Variants in IYD observed in about 807,000 individuals in gnomAD.
IYD encodes the protein iodotyrosine deiodinase 1.
Under a neutral mutation model 28.4 loss-of-function variants are expected in IYD, and 25 were observed. The ratio of observed to expected loss-of-function variants is 0.88; its 90% confidence interval spans 0.64 to 1.23. IYD has a LOEUF of 1.23. Among genes scored for constraint, IYD ranks in the 50% most tolerant of loss-of-function variants. IYD has a pLI of 0.00. For missense variants in IYD, 352 were observed against 357.9 expected (o/e 0.98, Z 0.13); for synonymous variants, 140 against 130.8 (o/e 1.07, Z -0.48).
At chr6:150,379,037 C>T (rs1215278795) in intron 1 of IYD, among the ~76,000 whole-genome samples, 1 of 152,230 alleles carries the variant, frequency 6.6e-6, no homozygotes, top group Non-Finnish European at 1.5e-5. Flanking sequence ...GACACCTGCA[C>T]TTGAATGGCT....
chr6:150,377,080 C>A (rs1434685573), intron 1 of IYD, among the ~76,000 whole-genome samples: 4 of 152,116 alleles, frequency 2.6e-5, no homozygotes, highest in Admixed American at 6.5e-5. Context: ...GGTCAAGTGC[C>A]AAGTGTCAGT....
rs1001418913 is a variant in IYD, at chr6:150,403,855, G to T, written c.*5618G>T. On this transcript the variant is annotated 3_prime_UTR_variant, in exon 5 of 5. Coordinates refer to ENST00000344419, the MANE Select transcript of IYD (RefSeq NM_203395.3). ...GGATGGAAATATGTTAGCAATGCCT[G>T]CAGAGTGCCAAGTAAACGCAAAAGC... 2.6e-5 allele frequency: 4 copies of T among 152,258 alleles called. No homozygotes were observed. Among genetic ancestry groups the T allele is most frequent in the African/African-American group, 9.6e-5 (4 of 41,472 alleles). 9.4% of individuals were successfully genotyped at this position (152,258 alleles called of 1,614,324 possible).
chr6:150,392,380 A>T lies in IYD; in HGVS notation c.406A>T (p.Thr136Ser). Residue 136 changes from threonine to serine, a missense_variant, in exon 3 of 5, where the codon ACC becomes TCC. Physicochemically the swap from Thr to Ser is moderately conservative, Grantham distance 58 (BLOSUM62 1). Coordinates refer to ENST00000344419, the MANE Select transcript of IYD (RefSeq NM_203395.3). ...GAGTGGGGCTCACACAGAGCCCTGG[A>T]CCTTCGTGGTTGTGAAGGACCCAGA... ...APSGAHTEPW[T>S]FVVVKDPDVK... 1 of 1,613,802 alleles carries T rather than the reference A, an allele frequency of 6.2e-7. No homozygotes were observed. Among genetic ancestry groups the T allele is most frequent in the Admixed American group, 1.7e-5 (1 of 60,012 alleles).
At chr6:150,388,224 A>G (rs77142549) in intron 1 of IYD, among the ~76,000 whole-genome samples, 396 of 152,300 alleles carry the variant, frequency 2.6e-3, no homozygotes, top group Non-Finnish European at 4.3e-3. Flanking sequence ...CTTATGATTG[A>G]CACTTCCCCT....
At chr6:150,377,280 T>G (rs1422159327) in intron 1 of IYD, among the ~76,000 whole-genome samples, 1 of 152,018 alleles carries the variant, frequency 6.6e-6, no homozygotes, top group African/African-American at 2.4e-5. Flanking sequence ...TGCTCTAGAG[T>G]GAAGGCAGGA....
rs1255410323 is a variant in IYD at position 150,395,916 on chromosome 6, C to A, written c.687+1661C>A. The A allele has an allele frequency of 9.8e-6, 5 of 509,658 alleles. No individual in the cohort carries two copies. The East Asian group carries it at 1.3e-4, about 13-fold the overall frequency. 31.6% of individuals were successfully genotyped at this position (509,658 alleles called of 1,614,324 possible). ...TGGGGTACCCCTTGGCCACTGAGTCCCCTATCAACGGGCATCAGCATCTCA... is the reference window on the plus strand; with the variant it reads ...TGGGGTACCCCTTGGCCACTGAGTCACCTATCAACGGGCATCAGCATCTCA... On this transcript the variant is annotated intron_variant, in intron 4 of 4. Transcript: ENST00000344419.
intron 1 of IYD, chr6:150,384,679 G>A (rs1351460484): frequency 1.3e-5 from 2 of 152,082 alleles, no homozygotes; most frequent in Non-Finnish European, 2.9e-5. Flanking sequence ...CTTTTCATGA[G>A]CTTAAGTGAA....
At chr6:150,388,980 G>A (rs1778007131) in intron 1 of IYD, among the ~76,000 whole-genome samples, 1 of 152,026 alleles carries the variant, frequency 6.6e-6, no homozygotes, top group South Asian at 2.1e-4. Context: ...GGGATTATAG[G>A]CGTAAGCCAC....
At chr6:150,372,336 G>C (rs1322126049) in intron 1 of IYD, among the ~76,000 whole-genome samples, 2 of 124,070 alleles carry the variant, frequency 1.6e-5, no homozygotes, top group Non-Finnish European at 3.4e-5. Context: ...GTGGGGGGTG[G>C]TGAGGGAACA....
Position 150,398,083 on chromosome 6 carries a change from C to G in IYD, c.716C>G (p.Thr239Ser). 1 of 1,614,184 alleles carries G rather than the reference C, an allele frequency of 6.2e-7. No individual in the cohort carries two copies. Among genetic ancestry groups the G allele is most frequent in the Non-Finnish European group, 8.5e-7 (1 of 1,180,034 alleles). The change falls in exon 5 of 5, where the codon ACT becomes AGT. Residue 239 changes from threonine to serine, a missense_variant. By Grantham distance (58) the Thr-to-Ser change is moderately conservative. Transcript: ENST00000344419. Reference protein sequence around the residue: ...QNAGLVTVTTTPLNCGPRLRV... With the variant: ...QNAGLVTVTTSPLNCGPRLRV... The stretch of plus-strand genomic sequence containing the variant: ...GCAGGTCTGGTGACTGTCACTACCA[C>G]TCCTCTCAACTGTGGCCCTCGACTG...
chr6:150,377,880 C>T (rs1024918239), intron 1 of IYD, among the ~76,000 whole-genome samples: 13 of 152,156 alleles, frequency 8.5e-5, no homozygotes, highest in African/African-American at 2.7e-4. Context: ...GTCACTGTGA[C>T]GTTCATGACA....
intron 2 of IYD, among the ~76,000 whole-genome samples, chr6:150,391,091 G>A (rs188248653): frequency 1.3e-5 from 2 of 152,162 alleles, no homozygotes; most frequent in East Asian, 3.9e-4. Flanking sequence ...AGAAAAATTA[G>A]CTGGATGTGG....
At chr6:150,370,941 G>T (rs139519543) in intron 1 of IYD, among the ~76,000 whole-genome samples, 8 of 152,320 alleles carry the variant, frequency 5.3e-5, no homozygotes, top group Non-Finnish European at 1.0e-4. Context: ...AAGGGAGACA[G>T]CAGTCTATGT....
chr6:150,374,233 G>A (rs754185780), intron 1 of IYD, among the ~76,000 whole-genome samples: 1 of 152,198 alleles, frequency 6.6e-6, no homozygotes, highest in Admixed American at 6.5e-5. Flanking sequence ...TGTGACACAG[G>A]AGCCTTCATA....
In IYD at chr6:150,402,409, T is replaced by G. The variant is rs943090846; in HGVS notation, c.*4172T>G. 6.6e-6 allele frequency: 1 copy of G among 152,346 alleles called. No homozygotes were observed. The highest frequency in any genetic ancestry group is 2.1e-4 in the South Asian group (1 of 4,824). The allele number at this position is 152,346 out of a possible 1,614,324, so 9.4% of individuals were successfully genotyped here. On this transcript the variant is annotated 3_prime_UTR_variant, in exon 5 of 5. Transcript: ENST00000344419. Reference sequence around the variant, plus strand: ...AGGTGGAGCAGTGTCGTCAATGTTATCATCCCCCTGCACCTGCAAGGAAGG... The same window carrying G: ...AGGTGGAGCAGTGTCGTCAATGTTAGCATCCCCCTGCACCTGCAAGGAAGG...
chr6:150,380,149 C>T lies in IYD; in HGVS notation c.179-9203C>T, dbSNP rs566525044. Among the ~76,000 whole-genome samples, 15 of 152,284 alleles carry T rather than the reference C, an allele frequency of 9.9e-5. No individual in the cohort carries two copies. The South Asian group carries it at 2.7e-3, about 27-fold the overall frequency. On this transcript the variant is annotated intron_variant, in intron 1 of 4. Transcript: ENST00000344419. ...TGTTGAATGACTTGTATATTTCCAT[C>T]TTCCAGGAAGATTTTGAGAACTTTA...
At position 150,398,369 on chromosome 6, in the gene IYD, C is replaced by A. The variant is rs1233407292; in HGVS notation, c.*132C>A. On this transcript the variant is annotated 3_prime_UTR_variant, in exon 5 of 5. Transcript: ENST00000344419. ...TCCCCTCATTGCTCTTCTCAGGTGGCCACACTATGTCAAGAAGCCTCTCCA... is the reference window on the plus strand; with the variant it reads ...TCCCCTCATTGCTCTTCTCAGGTGGACACACTATGTCAAGAAGCCTCTCCA... 34 of 797,800 alleles carry A rather than the reference C, an allele frequency of 4.3e-5. No homozygotes were observed. Among genetic ancestry groups the A allele is most frequent in the Non-Finnish European group, 6.4e-5 (31 of 481,744 alleles). 49.4% of individuals were successfully genotyped at this position (797,800 alleles called of 1,614,324 possible). A position where few individuals can be genotyped will look rare whatever the true frequency, so the allele number is the denominator to read the frequency against.
rs572985243 is a variant in IYD at position 150,404,204 on chromosome 6, T to G, written c.*5967T>G. On this transcript the variant is annotated 3_prime_UTR_variant, in exon 5 of 5. Coordinates refer to ENST00000344419, the MANE Select transcript of IYD (RefSeq NM_203395.3). ...CTCTGTTCCCTTATTGGGTAAATGATTTTCCAACTCTGGGAATGTGTAGAA... is the reference window on the plus strand; with the variant it reads ...CTCTGTTCCCTTATTGGGTAAATGAGTTTCCAACTCTGGGAATGTGTAGAA... 6.6e-6 allele frequency: 1 copy of G among 152,344 alleles called. No homozygotes were observed. Among genetic ancestry groups the G allele is most frequent in the Non-Finnish European group, 1.5e-5 (1 of 68,038 alleles). The allele number at this position is 152,344 out of a possible 1,614,324, so 9.4% of individuals were successfully genotyped here. A position where few individuals can be genotyped will look rare whatever the true frequency, so the allele number is the denominator to read the frequency against.
Position 150,388,067 on chromosome 6 carries a change from T to C in IYD, c.179-1285T>C, listed in dbSNP as rs1038468547. Among the ~76,000 whole-genome samples the C allele has an allele frequency of 4.6e-5, 7 of 152,214 alleles. No homozygotes were observed. In the South Asian group the frequency reaches 1.4e-3, roughly 32 times the overall value. ...ATGTGCCTGATTGCATTTGATGGGT[T>C]GCTGATGATTGTACTTAAAATTATT... On this transcript the variant is annotated intron_variant, in intron 1 of 4. Coordinates refer to ENST00000344419, the MANE Select transcript of IYD (RefSeq NM_203395.3).
Sources: allele counts gnomAD v4.1 joint callset (sites outside exome capture counted in the v4.1 genomes callset), GRCh38; gene constraint gnomAD v4.1.1; transcripts MANE v1.5; gene names NCBI Gene and HGNC (gene_info 2026-07-23, HGNC 2026-07-21).